ZFYVE28: variants seen among roughly 807,000 people sequenced by gnomAD.
ZFYVE28 encodes zinc finger FYVE-type containing 28, also known as lateral signaling target protein 2 homolog.
ZFYVE28 carries 40 observed loss-of-function variants against 82.1 expected under a neutral mutation model. The ratio of observed to expected loss-of-function variants is 0.49; its 90% CI spans 0.38 to 0.63. The LOEUF is 0.63. Among genes scored for constraint, ZFYVE28 ranks in the 30% least tolerant of loss-of-function variants. The probability of loss-of-function intolerance (pLI) is 0.00; values close to 1 mark genes in which losing one functional copy is unlikely to be tolerated. For missense variants in ZFYVE28, 1,321 were observed against 1,242.1 expected (o/e 1.06, Z -0.96); for synonymous variants, 612 against 546.1 (o/e 1.12, Z -1.68).
chr4:2,312,377 CAAAAGAAAAA>C (rs1428206166), intron 7 of ZFYVE28, among the ~76,000 whole-genome samples: 2 of 150,098 alleles, frequency 1.3e-5, no homozygotes, highest in Non-Finnish European at 1.5e-5. Flanking sequence ...ATCTATATTA[CAAAAGAAAAA>C]AAAAGAAAAA....
At chr4:2,367,159 G>A (rs1487330631) in intron 1 of ZFYVE28, among the ~76,000 whole-genome samples, 1 of 152,208 alleles carries the variant, frequency 6.6e-6, no homozygotes, top group Admixed American at 6.5e-5. Flanking sequence ...GCGCTCCAGA[G>A]GGAAGGGTGC....
Position 2,341,664 on chromosome 4 carries a change from C to T in ZFYVE28, c.181-49G>A, listed in dbSNP as rs765812209. On this transcript the variant is annotated intron_variant, in intron 2 of 12. Coordinates refer to ENST00000290974, the MANE Select transcript of ZFYVE28 (RefSeq NM_020972.3). This position sits in a 1 kb window ranked among gnomAD's most constrained non-coding sequence, Gnocchi z 4.5. Reference sequence around the variant, plus strand: ...TGCGCCAATCGCTGTGTCCAGCTGGCGGCCGCCATGTACTGCTGGAAAACA... The same window carrying T: ...TGCGCCAATCGCTGTGTCCAGCTGGTGGCCGCCATGTACTGCTGGAAAACA... 5.7e-6 allele frequency: 9 copies of T among 1,585,066 alleles called. No homozygotes were observed. In the South Asian group the frequency reaches 7.9e-5, roughly 14 times the overall value.
intron 1 of ZFYVE28, among the ~76,000 whole-genome samples, chr4:2,389,049 G>A (rs985751920): frequency 1.3e-5 from 2 of 152,124 alleles, no homozygotes; most frequent in Non-Finnish European, 2.9e-5. Flanking sequence ...GAACCTGGGA[G>A]GCTGATGAGT....
At chr4:2,354,658 C>G (rs1724973611) in intron 1 of ZFYVE28, among the ~76,000 whole-genome samples, 1 of 151,952 alleles carries the variant, frequency 6.6e-6, no homozygotes, top group South Asian at 2.1e-4. Context: ...GGGGTTTCGC[C>G]ATATTGGCCA....
chr4:2,327,767 C>T (rs571116880), intron 6 of ZFYVE28, among the ~76,000 whole-genome samples: 1 of 152,222 alleles, frequency 6.6e-6, no homozygotes, highest in South Asian at 2.1e-4. Flanking sequence ...ACCATCCTTG[C>T]ATTTCAGGGA....
chr4:2,277,121 C>G (rs912555516), intron 8 of ZFYVE28, among the ~76,000 whole-genome samples: 1 of 152,228 alleles, frequency 6.6e-6, no homozygotes, highest in Non-Finnish European at 1.5e-5. Context: ...CCCAAAACCA[C>G]TGAACTGTGT....
chr4:2,361,886 C>T (rs1353228930), intron 1 of ZFYVE28, among the ~76,000 whole-genome samples: 2 of 152,124 alleles, frequency 1.3e-5, no homozygotes, highest in African/African-American at 2.4e-5. Context: ...GGCCGAGCTG[C>T]GGCAGGGAGG....
At chr4:2,373,415 C>T (rs934887851) in intron 1 of ZFYVE28, among the ~76,000 whole-genome samples, 1 of 152,064 alleles carries the variant, frequency 6.6e-6, no homozygotes, top group African/African-American at 2.4e-5. Context: ...GGGAAGACTG[C>T]TTGAGCCCCA....
intron 6 of ZFYVE28, chr4:2,330,424 G>A: frequency 9.5e-7 from 1 of 1,049,902 alleles, no homozygotes; most frequent in Non-Finnish European, 1.2e-6. Context: ...GCACGGAAGA[G>A]GGGACATCAT....
chr4:2,304,192 C>T lies in ZFYVE28; in HGVS notation c.2051+97G>A, dbSNP rs1454402486. The T allele has an allele frequency of 6.9e-6, 10 of 1,452,806 alleles. No homozygotes were observed. The Admixed American group carries it at 9.2e-5, about 13-fold the overall frequency. The allele number at this position is 1,452,806 out of a possible 1,614,324, so 90.0% of individuals were successfully genotyped here. A position where few individuals can be genotyped will look rare whatever the true frequency, so the allele number is the denominator to read the frequency against. ...CAGCACCTGCCGGTGGCCAAGATGG[C>T]TCAGGTAGAAACACTGCAATGCTTG... is the stretch of plus-strand genomic sequence containing the variant. On this transcript the variant is annotated intron_variant, in intron 8 of 12. Coordinates refer to ENST00000290974, the MANE Select transcript of ZFYVE28 (RefSeq NM_020972.3).
At chr4:2,350,223 G>A (rs1578203515) in intron 2 of ZFYVE28, among the ~76,000 whole-genome samples, 1 of 152,190 alleles carries the variant, frequency 6.6e-6, no homozygotes, top group Non-Finnish European at 1.5e-5. Flanking sequence ...CCAGCACTTT[G>A]GGAGGCCGAG....
intron 2 of ZFYVE28, among the ~76,000 whole-genome samples, chr4:2,345,413 T>C (rs1228171010): frequency 6.6e-6 from 1 of 151,786 alleles, no homozygotes; most frequent in Non-Finnish European, 1.5e-5. Flanking sequence ...AGATGAAAAT[T>C]ACAGTGTCTG....
At chr4:2,384,808 C>G (rs1729082403) in intron 1 of ZFYVE28, among the ~76,000 whole-genome samples, 5 of 152,202 alleles carry the variant, frequency 3.3e-5, no homozygotes, top group Admixed American at 3.3e-4. Flanking sequence ...CCTCACTCAC[C>G]TGGAGTGTGA....
rs571989853 is a variant in ZFYVE28 at position 2,353,959 on chromosome 4, G to C, written c.154C>G (p.Leu52Val). 1.3e-6 allele frequency: 2 copies of C among 1,563,904 alleles called. No individual in the cohort carries two copies. The highest frequency in any genetic ancestry group is 1.7e-6 in the Non-Finnish European group (2 of 1,155,028). Residue 52 changes from leucine to valine, a missense_variant, in exon 2 of 13, where the codon CTG becomes GTG. Transcript: ENST00000290974. ...GRKDPQRCTLLVSQFRSCQDN... is the reference protein window; with the variant it reads ...GRKDPQRCTLVVSQFRSCQDN... ...TGACAGGAGCGGAACTGGCTGACCA[G>C]CAGCGTGCACCGCTGGGGGTCCTTC...
chr4:2,351,821 C>T (rs1488116885), intron 2 of ZFYVE28, among the ~76,000 whole-genome samples: 1 of 152,306 alleles, frequency 6.6e-6, no homozygotes, highest in East Asian at 1.9e-4. Flanking sequence ...CCCATGGCCC[C>T]CTTCTGGGGT....
In ZFYVE28 at chr4:2,320,412, C is replaced by T. The variant is rs2108837843; in HGVS notation, c.702-141G>A. 2 of 641,278 alleles carry T rather than the reference C, an allele frequency of 3.1e-6. No homozygotes were observed. Among genetic ancestry groups the T allele is most frequent in the Non-Finnish European group, 5.5e-6 (2 of 365,264 alleles). The allele number at this position is 641,278 out of a possible 1,614,324, so 39.7% of individuals were successfully genotyped here. On this transcript the variant is annotated intron_variant, in intron 6 of 12. Coordinates refer to ENST00000290974, the MANE Select transcript of ZFYVE28 (RefSeq NM_020972.3). The surrounding 1 kb of genome is among the most constrained non-coding windows in gnomAD (Gnocchi z 5.1). ...GTCCCAGCACGGCCGCCGCCTCATG[C>T]TTTGCCTTGTGTGATTGCATTGTAA...
At chr4:2,301,396 A>G (rs915295586) in intron 8 of ZFYVE28, among the ~76,000 whole-genome samples, 2 of 152,076 alleles carry the variant, frequency 1.3e-5, no homozygotes, top group African/African-American at 2.4e-5. Flanking sequence ...TGAACCGAAC[A>G]TGTACTGTCC....
At chr4:2,403,912 C>A (rs538622950) in intron 1 of ZFYVE28, among the ~76,000 whole-genome samples, 4 of 146,676 alleles carry the variant, frequency 2.7e-5, no homozygotes, top group Non-Finnish European at 6.0e-5. Flanking sequence ...GAGGTTGCAG[C>A]GAGCAGATAT....
intron 8 of ZFYVE28, among the ~76,000 whole-genome samples, chr4:2,299,946 G>A (rs887612331): frequency 2.6e-4 from 39 of 151,978 alleles, no homozygotes; most frequent in Non-Finnish European, 4.9e-4. Flanking sequence ...ACAGGCCCAC[G>A]CCACTGCACC....
Sources: allele counts gnomAD v4.1 joint callset (sites outside exome capture counted in the v4.1 genomes callset), GRCh38; gene constraint gnomAD v4.1.1; non-coding constraint Gnocchi (gnomAD v3.1); transcripts MANE v1.5; gene names NCBI Gene and HGNC (gene_info 2026-07-23, HGNC 2026-07-21).